Variants in ZNF704 observed in about 807,000 individuals in gnomAD.
The protein encoded by ZNF704 is zinc finger protein 704.
In ZNF704, 10 loss-of-function variants were observed where a neutral mutation model predicts 44.7. The ratio of observed to expected loss-of-function variants is 0.22; its 90% CI spans 0.14 to 0.38. The LOEUF is 0.38. Among genes scored for constraint, ZNF704 ranks in the 10% least tolerant of loss-of-function variants. The probability of loss-of-function intolerance (pLI) is 1.00; values close to 1 mark genes in which losing one functional copy is unlikely to be tolerated. For missense variants in ZNF704, 390 were observed against 545.5 expected (o/e 0.71, Z 2.84); for synonymous variants, 211 against 207.6 (o/e 1.02, Z -0.14).
intron 2 of ZNF704, among the ~76,000 whole-genome samples, chr8:80,701,308 C>T (rs1292684329): frequency 6.6e-6 from 1 of 151,968 alleles, no homozygotes; most frequent in Admixed American, 6.6e-5. Context: ...CGCTTCTAGC[C>T]AGGATTCTGC....
chr8:80,811,405 C>CT (rs1279505405), intron 2 of ZNF704, among the ~76,000 whole-genome samples: 11 of 150,658 alleles, frequency 7.3e-5, no homozygotes, highest in East Asian at 5.8e-4. Flanking sequence ...AGAGCTATAC[C>CT]TTTTTTTTTG....
At chr8:80,664,773 T>A (rs1818162521) in intron 6 of ZNF704, 42 bp downstream of exon 6, 1 of 1,608,546 alleles carries the variant, frequency 6.2e-7, no homozygotes, top group East Asian at 2.2e-5. Context: ...CTGGTTTTGG[T>A]CAAGGTCAAA....
At chr8:80,809,551 C>T (rs1808050301) in intron 2 of ZNF704, among the ~76,000 whole-genome samples, 1 of 152,138 alleles carries the variant, frequency 6.6e-6, no homozygotes, top group Non-Finnish European at 1.5e-5. Flanking sequence ...CAGGAGAGAG[C>T]AACAAAAGCT....
Position 80,632,942 on chromosome 8 carries a change from A to C in ZNF704, c.*8424T>G, listed in dbSNP as rs761217911. ...TCATGATGTAGGAGTCTGGCCAAAA[A>C]GTTTTTTTTTGAGGCTCCTTCTAGC... On this transcript the variant is annotated 3_prime_UTR_variant, in exon 9 of 9. Coordinates refer to ENST00000327835, the MANE Select transcript of ZNF704 (RefSeq NM_001033723.3). 1.3e-5 allele frequency: 2 copies of C among 152,174 alleles called. No homozygotes were observed. The highest frequency in any genetic ancestry group is 2.9e-5 in the Non-Finnish European group (2 of 68,028). The allele number at this position is 152,174 out of a possible 1,614,324, so 9.4% of individuals were successfully genotyped here. A position where few individuals can be genotyped will look rare whatever the true frequency, so the allele number is the denominator to read the frequency against.
At chr8:80,864,007 G>A (rs1036001557) in intron 1 of ZNF704, among the ~76,000 whole-genome samples, 9 of 152,038 alleles carry the variant, frequency 5.9e-5, no homozygotes, top group African/African-American at 1.9e-4. Flanking sequence ...TAGACCCATC[G>A]TGGGTACTGA....
chr8:80,840,297 A>G (rs1355242250), intron 1 of ZNF704, among the ~76,000 whole-genome samples: 1 of 152,138 alleles, frequency 6.6e-6, no homozygotes, highest in Non-Finnish European at 1.5e-5. Context: ...TTCTTAAAAC[A>G]TGAAATTGTG....
At chr8:80,857,721 T>C (rs1269963899) in intron 1 of ZNF704, among the ~76,000 whole-genome samples, 1 of 152,220 alleles carries the variant, frequency 6.6e-6, no homozygotes, top group Non-Finnish European at 1.5e-5. Flanking sequence ...AAGGCTATGC[T>C]GGTCTCATAA....
chr8:80,666,306 A>C (rs1818193841), intron 5 of ZNF704, among the ~76,000 whole-genome samples: 1 of 151,130 alleles, frequency 6.6e-6, no homozygotes, highest in Admixed American at 6.6e-5. Flanking sequence ...ATCATTTTTT[A>C]TGGCTGCATA....
chr8:80,788,900 C>T (rs1400220076), intron 2 of ZNF704, among the ~76,000 whole-genome samples: 1 of 152,178 alleles, frequency 6.6e-6, no homozygotes, highest in Non-Finnish European at 1.5e-5. Flanking sequence ...TATGTACTAA[C>T]CACTGCCCAT....
chr8:80,726,300 AAAGC>A (rs1806479690), intron 2 of ZNF704, among the ~76,000 whole-genome samples: 1 of 152,166 alleles, frequency 6.6e-6, no homozygotes, highest in African/African-American at 2.4e-5. Flanking sequence ...CAGCTCTGTA[AAAGC>A]AAGAATTTAC....
chr8:80,700,777 G>A (rs1024422914), intron 2 of ZNF704, among the ~76,000 whole-genome samples: 1 of 152,162 alleles, frequency 6.6e-6, no homozygotes, highest in East Asian at 1.9e-4. Context: ...CTCTATCTGT[G>A]TAGATTTGAA....
chr8:80,665,831 A>ATTTT (rs1041772341), intron 5 of ZNF704, among the ~76,000 whole-genome samples: 4 of 137,074 alleles, frequency 2.9e-5, no homozygotes, highest in Admixed American at 7.2e-5. Context: ...ATTTTATTTT[A>ATTTT]TTTTTTTTTC....
chr8:80,851,935 C>A (rs1808871142), intron 1 of ZNF704, among the ~76,000 whole-genome samples: 2 of 151,940 alleles, frequency 1.3e-5, no homozygotes, highest in South Asian at 2.1e-4. Context: ...CTCATCCAGG[C>A]ATGACCTCTC....
chr8:80,867,693 A>G (rs1809179456), intron 1 of ZNF704, among the ~76,000 whole-genome samples: 1 of 152,216 alleles, frequency 6.6e-6, no homozygotes, highest in African/African-American at 2.4e-5. Flanking sequence ...ACTTGTTAGC[A>G]AATTGGAATT....
chr8:80,865,437 G>A (rs1038902150), intron 1 of ZNF704, among the ~76,000 whole-genome samples: 6 of 152,166 alleles, frequency 3.9e-5, no homozygotes, highest in Non-Finnish European at 8.8e-5. Flanking sequence ...GCAGCTGGGA[G>A]GATCATCTCC....
At chr8:80,720,593 C>T (rs1164728676) in intron 2 of ZNF704, among the ~76,000 whole-genome samples, 2 of 152,138 alleles carry the variant, frequency 1.3e-5, no homozygotes, top group Non-Finnish European at 1.5e-5. Flanking sequence ...GCCCATGGCC[C>T]TTTTTTTGTT....
chr8:80,771,989 C>T (rs575762378), intron 2 of ZNF704, among the ~76,000 whole-genome samples: 147 of 152,248 alleles, frequency 9.7e-4, no homozygotes, highest in African/African-American at 3.2e-3. Context: ...AATAGGCTCA[C>T]GACTGATTGA....
Position 80,874,370 on chromosome 8 carries a change from T to A in ZNF704, c.-22+201A>T, listed in dbSNP as rs1286362304. On this transcript the variant is annotated intron_variant, in intron 1 of 8. Coordinates refer to ENST00000327835, the MANE Select transcript of ZNF704 (RefSeq NM_001033723.3). This position sits in a 1 kb window ranked among gnomAD's most constrained non-coding sequence, Gnocchi z 4.4. ...GAGCCGCGGGCCGCGCTGCGCTCCA[T>A]GCGGCCGGCGGCCGAGCCCGCGCGC... 1.4e-5 allele frequency among the ~76,000 whole-genome samples: 2 copies of A among 145,726 alleles called. No individual in the cohort carries two copies. Among genetic ancestry groups the A allele is most frequent in the Admixed American group, 6.8e-5 (1 of 14,736 alleles).
intron 7 of ZNF704, among the ~76,000 whole-genome samples, chr8:80,644,446 T>G (rs371690115): frequency 2.2e-4 from 33 of 152,304 alleles, no homozygotes; most frequent in African/African-American, 7.9e-4. Flanking sequence ...GGAAAAAGAA[T>G]GTTTCTTTTT....
Sources: gnomAD v4.1 joint callset for allele counts (sites outside exome capture counted in the v4.1 genomes callset) on GRCh38, gnomAD v4.1.1 for gene constraint, Gnocchi (gnomAD v3.1) non-coding constraint, MANE v1.5 for transcripts, NCBI Gene and HGNC (gene_info 2026-07-23, HGNC 2026-07-21) for gene names.